Variants in MEIKIN observed in about 807,000 individuals in gnomAD.
MEIKIN encodes meiotic kinetochore factor.
At chr5:131,815,830 AC>A (rs1242918803) in intron 12 of MEIKIN, among the ~76,000 whole-genome samples, 2 of 152,244 alleles carry the variant, frequency 1.3e-5, no homozygotes, top group Non-Finnish European at 2.9e-5. Flanking sequence ...AGTTTGTGTC[AC>A]CCACCAGGTA....
At chr5:131,822,718 T>C (rs1377332012) in intron 11 of MEIKIN, among the ~76,000 whole-genome samples, 1 of 152,224 alleles carries the variant, frequency 6.6e-6, no homozygotes, top group Non-Finnish European at 1.5e-5. Flanking sequence ...GTTTACACAC[T>C]GTGATAACAA....
chr5:131,944,174 C>G (rs1751921657), intron 3 of MEIKIN, among the ~76,000 whole-genome samples: 1 of 150,598 alleles, frequency 6.6e-6, no homozygotes, highest in Admixed American at 6.6e-5. Flanking sequence ...GAGTCACAAG[C>G]AATTTTTAAA....
chr5:131,891,795 A>G (rs1306695266), intron 8 of MEIKIN, among the ~76,000 whole-genome samples: 1 of 152,230 alleles, frequency 6.6e-6, no homozygotes, highest in East Asian at 1.9e-4. Flanking sequence ...TAGTTGATGC[A>G]GCATCTTCGT....
chr5:131,820,238 A>T (rs1156807559), intron 11 of MEIKIN, among the ~76,000 whole-genome samples: 1 of 151,372 alleles, frequency 6.6e-6, no homozygotes, highest in Non-Finnish European at 1.5e-5. Flanking sequence ...CGCCTGGTTA[A>T]TTTTTTTGTA....
intron 8 of MEIKIN, among the ~76,000 whole-genome samples, chr5:131,893,595 G>A (rs959377882): frequency 1.3e-5 from 2 of 152,148 alleles, no homozygotes; most frequent in African/African-American, 4.8e-5. Flanking sequence ...TGCACCCACT[G>A]TCCTGCACCC....
intron 11 of MEIKIN, among the ~76,000 whole-genome samples, chr5:131,841,528 G>A (rs1749914456): frequency 6.6e-6 from 1 of 152,138 alleles, no homozygotes; most frequent in Non-Finnish European, 1.5e-5. Flanking sequence ...TAGGAGGTGT[G>A]ATGCCTCCAG....
intron 10 of MEIKIN, among the ~76,000 whole-genome samples, chr5:131,852,858 AAATT>A (rs1237901593): frequency 1.1e-5 from 1 of 95,020 alleles, no homozygotes; most frequent in Non-Finnish European, 2.2e-5. Flanking sequence ...AATAGTCACT[AAATT>A]AGTTTTGCCA....
chr5:131,889,376 G>T (rs1027197697), intron 8 of MEIKIN, among the ~76,000 whole-genome samples: 33 of 151,968 alleles, frequency 2.2e-4, no homozygotes, highest in African/African-American at 6.8e-4. Flanking sequence ...TTGTATCCTC[G>T]TTTATTTCAT....
chr5:131,921,475 T>C lies in MEIKIN; in HGVS notation c.598+347A>G, dbSNP rs547897950. 9.8e-4 allele frequency among the ~76,000 whole-genome samples: 149 copies of C among 152,088 alleles called. 1 individual carries two copies. The highest frequency in any genetic ancestry group is 1.8e-3 in the Non-Finnish European group (120 of 68,008). On this transcript the variant is annotated intron_variant, in intron 6 of 12. Coordinates refer to ENST00000442687, the MANE Select transcript of MEIKIN (RefSeq NM_001303622.2). The stretch of plus-strand genomic sequence containing the variant: ...GAGTTCAAGACCAGCCTGGCCAACA[T>C]AGTGAAACCCCATCTCTATAAAAAT...
At chr5:131,870,781 C>T (rs1349622554) in intron 9 of MEIKIN, among the ~76,000 whole-genome samples, 1 of 152,096 alleles carries the variant, frequency 6.6e-6, no homozygotes, top group African/African-American at 2.4e-5. Context: ...TATCAAACAC[C>T]CTAGTCAAAG....
At chr5:131,846,464 G>C (rs1163847906) in intron 11 of MEIKIN, among the ~76,000 whole-genome samples, 1 of 152,058 alleles carries the variant, frequency 6.6e-6, no homozygotes, top group African/African-American at 2.4e-5. Context: ...AATAATTATT[G>C]GTATAAGAGC....
At chr5:131,881,972 C>A (rs192428154) in intron 8 of MEIKIN, among the ~76,000 whole-genome samples, 1 of 152,272 alleles carries the variant, frequency 6.6e-6, no homozygotes, top group East Asian at 1.9e-4. Flanking sequence ...ATTATCTTAA[C>A]CATTCTCCCA....
At chr5:131,878,597 C>T (rs561843426) in intron 9 of MEIKIN, among the ~76,000 whole-genome samples, 35 of 152,038 alleles carry the variant, frequency 2.3e-4, no homozygotes, top group African/African-American at 8.0e-4. Context: ...AGGCTGGGTA[C>T]AGTGGCTCAT....
chr5:131,885,373 G>A lies in MEIKIN; in HGVS notation c.704-6325C>T, dbSNP rs28854532. Among the ~76,000 whole-genome samples, 269 of 62,952 alleles carry A rather than the reference G, an allele frequency of 4.3e-3. 1 individual carries two copies. Among genetic ancestry groups the A allele is most frequent in the Non-Finnish European group, 5.8e-3 (154 of 26,710 alleles). The allele number at this position is 62,952 out of a possible 152,430, so 41.3% of individuals were successfully genotyped here. A position where few individuals can be genotyped will look rare whatever the true frequency, so the allele number is the denominator to read the frequency against. Reference sequence around the variant, plus strand: ...AGAGAGAGAGAGAGAGAGAGAGAGAGAGAGAGAGAGAGAGAGAGAGAGAGA... The same window carrying A: ...AGAGAGAGAGAGAGAGAGAGAGAGAAAGAGAGAGAGAGAGAGAGAGAGAGA... On this transcript the variant is annotated intron_variant, in intron 8 of 12. Coordinates refer to ENST00000442687, the MANE Select transcript of MEIKIN (RefSeq NM_001303622.2).
At chr5:131,934,009 G>T (rs1013445750) in intron 4 of MEIKIN, among the ~76,000 whole-genome samples, 1 of 151,924 alleles carries the variant, frequency 6.6e-6, no homozygotes, top group Non-Finnish European at 1.5e-5. Context: ...GCAGTAGCAC[G>T]ATTTTGGCTC....
chr5:131,835,426 G>C (rs1749788988), intron 11 of MEIKIN, among the ~76,000 whole-genome samples: 1 of 152,052 alleles, frequency 6.6e-6, no homozygotes, highest in African/African-American at 2.4e-5. Context: ...TCATATCCAA[G>C]AAATCACTGC....
At chr5:131,824,496 A>T (rs13154286) in intron 11 of MEIKIN, among the ~76,000 whole-genome samples, 1 of 151,516 alleles carries the variant, frequency 6.6e-6, no homozygotes, top group African/African-American at 2.4e-5. Context: ...CTCCAGCCTA[A>T]GTAACAGAGA....
chr5:131,877,776 C>G (rs939863167), intron 9 of MEIKIN, among the ~76,000 whole-genome samples: 22 of 152,246 alleles, frequency 1.4e-4, no homozygotes, highest in Admixed American at 7.2e-4. Context: ...CCCTGCCCCC[C>G]AGTCACCCAT....
chr5:131,866,517 G>T (rs554701829), intron 9 of MEIKIN, among the ~76,000 whole-genome samples: 109 of 152,352 alleles, frequency 7.2e-4, no homozygotes, highest in African/African-American at 2.4e-3. Flanking sequence ...GAAGAGTGGG[G>T]TTGCTTCCCC....
Sources: gnomAD v4.1 joint callset for allele counts (sites outside exome capture counted in the v4.1 genomes callset) on GRCh38, gnomAD v4.1.1 for gene constraint, MANE v1.5 for transcripts, NCBI Gene and HGNC (gene_info 2026-07-23, HGNC 2026-07-21) for gene names.